The following OR51A4 variants were observed in gnomAD, a reference collection of about 807,000 sequenced individuals.
The protein encoded by OR51A4 is olfactory receptor 51A4.
For missense variants in OR51A4, 243 were observed against 364.0 expected, an observed-to-expected ratio of 0.67 and a Z score of 2.70; for synonymous variants, 96 against 141.5, an observed-to-expected ratio of 0.68 and a Z score of 2.28.
Position 4,944,279 on chromosome 11 carries a change from A to C in OR51A4, c.*1880T>G, listed in dbSNP as rs1424012067. On this transcript the variant is annotated 3_prime_UTR_variant, in exon 2 of 2. Transcript: ENST00000641898. Reference sequence around the variant, plus strand: ...AGATAATACTATCCTGGAGCATCAGAGATTAGGTTTGAACCCCAGCTTTTG... The same window carrying C: ...AGATAATACTATCCTGGAGCATCAGCGATTAGGTTTGAACCCCAGCTTTTG... 4.1e-5 allele frequency: 8 copies of C among 194,960 alleles called. No individual in the cohort carries two copies. The South Asian group carries it at 4.6e-4, about 11-fold the overall frequency. The allele number at this position is 194,960 out of a possible 1,614,324, so 12.1% of individuals were successfully genotyped here. A position where few individuals can be genotyped will look rare whatever the true frequency, so the allele number is the denominator to read the frequency against.
rs941276686 is a variant in OR51A4, at chr11:4,944,485, G to C, written c.*1674C>G. ...AATTAGAGGTTTACAAACAATGTTT[G>C]TATCTATAAAGATTTTCCATTAATT... is the stretch of plus-strand genomic sequence containing the variant. On this transcript the variant is annotated 3_prime_UTR_variant, in exon 2 of 2. Coordinates refer to ENST00000641898, the MANE Select transcript of OR51A4 (RefSeq NM_001005329.2). 1.9e-5 allele frequency: 3 copies of C among 155,430 alleles called. No homozygotes were observed. The highest frequency in any genetic ancestry group is 2.0e-4 in the South Asian group (1 of 5,090). 9.6% of individuals were successfully genotyped at this position (155,430 alleles called of 1,614,324 possible).
In OR51A4 at chr11:4,943,528, A is replaced by G. The variant is rs1846248018; in HGVS notation, c.*2631T>C. The G allele has an allele frequency of 2.2e-6, 1 of 455,754 alleles. No homozygotes were observed. Among genetic ancestry groups the G allele is most frequent in the Admixed American group, 2.4e-5 (1 of 42,520 alleles). The allele number at this position is 455,754 out of a possible 1,614,324, so 28.2% of individuals were successfully genotyped here. A position where few individuals can be genotyped will look rare whatever the true frequency, so the allele number is the denominator to read the frequency against. ...CACCACTGACATTTTGTGCTAGATA[A>G]TTCTTTTGGGTAAGGGCTATCCTGT... On this transcript the variant is annotated 3_prime_UTR_variant, in exon 2 of 2. Coordinates refer to ENST00000641898, the MANE Select transcript of OR51A4 (RefSeq NM_001005329.2).
In OR51A4 at chr11:4,943,833, T is replaced by G. The variant is rs1308771522; in HGVS notation, c.*2326A>C. On this transcript the variant is annotated 3_prime_UTR_variant, in exon 2 of 2. Coordinates refer to ENST00000641898, the MANE Select transcript of OR51A4 (RefSeq NM_001005329.2). ...TTGAGATTTATGTATCTTTATTTTATTTTTCATTTCATTTTATTAAGACTG... is the reference window on the plus strand; with the variant it reads ...TTGAGATTTATGTATCTTTATTTTAGTTTTCATTTCATTTTATTAAGACTG... The G allele has an allele frequency of 4.5e-6, 2 of 446,254 alleles. No homozygotes were observed. Among genetic ancestry groups the G allele is most frequent in the Non-Finnish European group, 9.0e-6 (2 of 223,194 alleles). 27.6% of individuals were successfully genotyped at this position (446,254 alleles called of 1,614,324 possible).
intron 1 of OR51A4, 143 bp from the exon 2 acceptor site, chr11:4,947,305 C>T (rs1328967969): frequency 2.6e-6 from 1 of 387,624 alleles, no homozygotes; most frequent in Non-Finnish European, 4.7e-6. Context: ...TCGTATAATA[C>T]ATTGGAAAAA....
At position 4,945,838 on chromosome 11, in the gene OR51A4, G is replaced by T; in HGVS notation, c.*321C>A. On this transcript the variant is annotated 3_prime_UTR_variant, in exon 2 of 2. Transcript: ENST00000641898. ...TTAAAAGAACTTGGTATAAGAGATTGAATGTAGATAATGAGAAATCCAACT... is the reference window on the plus strand; with the variant it reads ...TTAAAAGAACTTGGTATAAGAGATTTAATGTAGATAATGAGAAATCCAACT... 1 of 356,814 alleles carries T rather than the reference G, an allele frequency of 2.8e-6. No homozygotes were observed. The highest frequency in any genetic ancestry group is 5.2e-6 in the Non-Finnish European group (1 of 192,966). The allele number at this position is 356,814 out of a possible 1,614,324, so 22.1% of individuals were successfully genotyped here.
rs909408213 is a variant in OR51A4, at chr11:4,943,467, T to C, written c.*2692A>G. 4 of 456,238 alleles carry C rather than the reference T, an allele frequency of 8.8e-6. No homozygotes were observed. The Admixed American group carries it at 9.4e-5, about 11-fold the overall frequency. 28.3% of individuals were successfully genotyped at this position (456,238 alleles called of 1,614,324 possible). A position where few individuals can be genotyped will look rare whatever the true frequency, so the allele number is the denominator to read the frequency against. Reference sequence around the variant, plus strand: ...TGGGGCTTAATCATTTGTTATTTGATAGTTACATTTAGACTAAGGTTTTTT... The same window carrying C: ...TGGGGCTTAATCATTTGTTATTTGACAGTTACATTTAGACTAAGGTTTTTT... On this transcript the variant is annotated 3_prime_UTR_variant, in exon 2 of 2. Coordinates refer to ENST00000641898, the MANE Select transcript of OR51A4 (RefSeq NM_001005329.2).
rs886869756 is a variant in OR51A4 at position 4,945,510 on chromosome 11, T to G, written c.*649A>C. The G allele has an allele frequency of 1.3e-5, 2 of 153,508 alleles. No individual in the cohort carries two copies. The highest frequency in any genetic ancestry group is 6.5e-5 in the Admixed American group (1 of 15,472). The allele number at this position is 153,508 out of a possible 1,614,324, so 9.5% of individuals were successfully genotyped here. ...CAAATTTAAAAGAGACACTTACACA[T>G]TCAATTTGCCTATAGATTACTCTTG... On this transcript the variant is annotated 3_prime_UTR_variant, in exon 2 of 2. Transcript: ENST00000641898.
In OR51A4 at chr11:4,946,572, A is replaced by G; in HGVS notation, c.529T>C (p.Ser177Pro). The change falls in exon 2 of 2, where the codon TCC becomes CCC. Residue 177 changes from serine to proline, a missense_variant. By Grantham distance (74) the Ser-to-Pro change is moderately conservative. Transcript: ENST00000641898. Reference protein sequence around the residue: ...NLRYCKKNQLSHSYCLHQDVM... With the variant: ...NLRYCKKNQLPHSYCLHQDVM... ...TCCTGGTGGAGACAGTAGGAATGGGATAATTGGTTTTTCTTGCAATATCTC... is the reference window on the plus strand; with the variant it reads ...TCCTGGTGGAGACAGTAGGAATGGGGTAATTGGTTTTTCTTGCAATATCTC... 1.3e-6 allele frequency: 2 copies of G among 1,588,430 alleles called. No homozygotes were observed. The highest frequency in any genetic ancestry group is 2.2e-5 in the South Asian group (2 of 90,498).
At position 4,944,538 on chromosome 11, in the gene OR51A4, T is replaced by A. The variant is rs1846265434; in HGVS notation, c.*1621A>T. 6.6e-6 allele frequency: 1 copy of A among 152,436 alleles called. No individual in the cohort carries two copies. Among genetic ancestry groups the A allele is most frequent in the South Asian group, 2.1e-4 (1 of 4,842 alleles). 9.4% of individuals were successfully genotyped at this position (152,436 alleles called of 1,614,324 possible). A position where few individuals can be genotyped will look rare whatever the true frequency, so the allele number is the denominator to read the frequency against. ...GAAGTACGGTCAGTTGTGGGCTGAT[T>A]ATTATTTTTTAAGCATTTGACATTC... On this transcript the variant is annotated 3_prime_UTR_variant, in exon 2 of 2. Transcript: ENST00000641898.
Position 4,946,301 on chromosome 11 carries a change from C to A in OR51A4, c.800G>T (p.Arg267Leu), listed in dbSNP as rs150732161. 1.2e-6 allele frequency: 2 copies of A among 1,613,526 alleles called. No homozygotes were observed. Among genetic ancestry groups the A allele is most frequent in the Non-Finnish European group, 1.7e-6 (2 of 1,179,870 alleles). The change falls in exon 2 of 2, where the codon CGG (arginine) becomes CTG (leucine). Residue 267 changes from arginine (R) to leucine (L), a missense_variant. Arg to Leu is a moderately radical substitution (Grantham distance 102). Transcript: ENST00000641898. ...INLAVVHRFA[R>L]HVSPLINVLM... ...AACATTAATGAGGGGAGAGACATGC[C>A]GGGCAAAGCGGTGGACAACGGCCAG...
Position 4,943,534 on chromosome 11 carries a change from T to C in OR51A4, c.*2625A>G. Reference sequence around the variant, plus strand: ...TGACATTTTGTGCTAGATAATTCTTTTGGGTAAGGGCTATCCTGTACATTA... The same window carrying C: ...TGACATTTTGTGCTAGATAATTCTTCTGGGTAAGGGCTATCCTGTACATTA... On this transcript the variant is annotated 3_prime_UTR_variant, in exon 2 of 2. Transcript: ENST00000641898. The C allele has an allele frequency of 2.2e-6, 1 of 455,842 alleles. No individual in the cohort carries two copies. The highest frequency in any genetic ancestry group is 1.6e-5 in the South Asian group (1 of 64,470). 28.2% of individuals were successfully genotyped at this position (455,842 alleles called of 1,614,324 possible).
At position 4,943,913 on chromosome 11, in the gene OR51A4, G is replaced by T; in HGVS notation, c.*2246C>A. The T allele has an allele frequency of 2.3e-6, 1 of 434,990 alleles. No homozygotes were observed. The highest frequency in any genetic ancestry group is 1.7e-5 in the South Asian group (1 of 60,392). The allele number at this position is 434,990 out of a possible 1,614,324, so 26.9% of individuals were successfully genotyped here. A position where few individuals can be genotyped will look rare whatever the true frequency, so the allele number is the denominator to read the frequency against. On this transcript the variant is annotated 3_prime_UTR_variant, in exon 2 of 2. Coordinates refer to ENST00000641898, the MANE Select transcript of OR51A4 (RefSeq NM_001005329.2). ...TGATACTCTTTTATGTGACATCTAT[G>T]TACAATATCCTGAAAGAATAAGATG... is the stretch of plus-strand genomic sequence containing the variant.
rs1359649836 is a variant in OR51A4 at position 4,944,976 on chromosome 11, T to G, written c.*1183A>C. ...TAAAATCTACTCTGCATCAGAAGTG[T>G]CCTAGACATTAGGCAGGAAAAAATA... On this transcript the variant is annotated 3_prime_UTR_variant, in exon 2 of 2. Transcript: ENST00000641898. 3 of 152,242 alleles carry G rather than the reference T, an allele frequency of 2.0e-5. No homozygotes were observed. Among genetic ancestry groups the G allele is most frequent in the Middle Eastern group, 3.4e-3 (1 of 294 alleles). 9.4% of individuals were successfully genotyped at this position (152,242 alleles called of 1,614,324 possible).
Position 4,944,294 on chromosome 11 carries a change from C to A in OR51A4, c.*1865G>T. 1 of 175,218 alleles carries A rather than the reference C, an allele frequency of 5.7e-6. No homozygotes were observed. Among genetic ancestry groups the A allele is most frequent in the Non-Finnish European group, 1.2e-5 (1 of 82,312 alleles). 10.9% of individuals were successfully genotyped at this position (175,218 alleles called of 1,614,324 possible). A position where few individuals can be genotyped will look rare whatever the true frequency, so the allele number is the denominator to read the frequency against. ...GGAGCATCAGAGATTAGGTTTGAAC[C>A]CCAGCTTTTGACTTCCTCTCTGTGT... On this transcript the variant is annotated 3_prime_UTR_variant, in exon 2 of 2. Coordinates refer to ENST00000641898, the MANE Select transcript of OR51A4 (RefSeq NM_001005329.2).
rs945282081 is a variant in OR51A4 at position 4,946,431 on chromosome 11, T to G, written c.670A>C (p.Lys224Gln). Reference sequence around the variant, plus strand: ...TTGGATGCAATTCCCAGTACAGTCTTGAGGATCAGGGTGTAAGACACAGCA... The same window carrying G: ...TTGGATGCAATTCCCAGTACAGTCTGGAGGATCAGGGTGTAAGACACAGCA... ...LIAVSYTLILKTVLGIASKKE... is the reference protein window; with the variant it reads ...LIAVSYTLILQTVLGIASKKE... The change falls in exon 2 of 2, where the codon AAG becomes CAG. Residue 224 changes from lysine to glutamine, a missense_variant. Transcript: ENST00000641898. The G allele has an allele frequency of 6.2e-7, 1 of 1,610,132 alleles. No homozygotes were observed. Among genetic ancestry groups the G allele is most frequent in the Non-Finnish European group, 8.5e-7 (1 of 1,176,998 alleles).
Position 4,946,616 on chromosome 11 carries a change from G to A in OR51A4, c.485C>T (p.Pro162Leu). ...ATATCTCAAGTTTCTTAAAGTGAAA[G>A]GGAAGGGAAGAACCAGGAGCATGCT... is the stretch of plus-strand genomic sequence containing the variant. ...FKSMLLVLPF[P>L]FTLRNLRYCK... The change falls in exon 2 of 2, where the codon CCT becomes CTT. Residue 162 changes from proline to leucine, a missense_variant. By Grantham distance (98) the Pro-to-Leu change is moderately conservative (BLOSUM62 -3). Coordinates refer to ENST00000641898, the MANE Select transcript of OR51A4 (RefSeq NM_001005329.2). 3.2e-6 allele frequency: 5 copies of A among 1,567,966 alleles called. No homozygotes were observed. Among genetic ancestry groups the A allele is most frequent in the Middle Eastern group, 1.7e-4 (1 of 5,886 alleles).
chr11:4,943,542 G>A lies in OR51A4; in HGVS notation c.*2617C>T. 2.2e-6 allele frequency: 1 copy of A among 453,738 alleles called. No individual in the cohort carries two copies. Among genetic ancestry groups the A allele is most frequent in the Non-Finnish European group, 4.4e-6 (1 of 225,766 alleles). The allele number at this position is 453,738 out of a possible 1,614,324, so 28.1% of individuals were successfully genotyped here. Reference sequence around the variant, plus strand: ...TGTGCTAGATAATTCTTTTGGGTAAGGGCTATCCTGTACATTAAAGAATGG... The same window carrying A: ...TGTGCTAGATAATTCTTTTGGGTAAAGGCTATCCTGTACATTAAAGAATGG... On this transcript the variant is annotated 3_prime_UTR_variant, in exon 2 of 2. Transcript: ENST00000641898.
Position 4,945,345 on chromosome 11 carries a change from A to G in OR51A4, c.*814T>C, listed in dbSNP as rs1846278570. ...AGAAAGCAAAGAGCTCTGTAAATTC[A>G]AAAACTGTTCAGTAGGTTGATGTGG... On this transcript the variant is annotated 3_prime_UTR_variant, in exon 2 of 2. Coordinates refer to ENST00000641898, the MANE Select transcript of OR51A4 (RefSeq NM_001005329.2). The G allele has an allele frequency of 1.3e-5, 2 of 152,212 alleles. No homozygotes were observed. Among genetic ancestry groups the G allele is most frequent in the Admixed American group, 6.5e-5 (1 of 15,276 alleles). 9.4% of individuals were successfully genotyped at this position (152,212 alleles called of 1,614,324 possible). A position where few individuals can be genotyped will look rare whatever the true frequency, so the allele number is the denominator to read the frequency against.
rs1437495000 is a variant in OR51A4 at position 4,943,249 on chromosome 11, T to G, written c.*2910A>C. ...TTTTTAAAAAGTATTTGAACTTGCCTTTTGGTAAGGTTTACATCCTTTGCA... is the reference window on the plus strand; with the variant it reads ...TTTTTAAAAAGTATTTGAACTTGCCGTTTGGTAAGGTTTACATCCTTTGCA... On this transcript the variant is annotated 3_prime_UTR_variant, in exon 2 of 2. Coordinates refer to ENST00000641898, the MANE Select transcript of OR51A4 (RefSeq NM_001005329.2). 5.3e-6 allele frequency: 1 copy of G among 189,346 alleles called. No homozygotes were observed. Among genetic ancestry groups the G allele is most frequent in the Non-Finnish European group, 1.1e-5 (1 of 89,724 alleles). 11.7% of individuals were successfully genotyped at this position (189,346 alleles called of 1,614,324 possible).
Sources: allele counts gnomAD v4.1 joint callset, GRCh38; gene constraint gnomAD v4.1.1; transcripts MANE v1.5; gene names NCBI Gene and HGNC (gene_info 2026-07-23, HGNC 2026-07-21).